EAF2: variants seen among roughly 807,000 people sequenced by gnomAD.
EAF2 encodes ELL associated factor 2.
In EAF2, 29 loss-of-function variants were observed where a neutral mutation model predicts 29.4. The ratio of observed to expected loss-of-function variants is 0.99; its 90% confidence interval spans 0.73 to 1.35. The LOEUF (loss-of-function observed/expected upper bound fraction) is 1.35, where lower values mean the gene tolerates loss of function less well. Ranked by LOEUF, EAF2 falls within the 40% of genes most tolerant of loss-of-function variation. EAF2 has a pLI of 0.00. For missense variants in EAF2, 292 were observed against 312.0 expected (o/e 0.94, Z 0.48); for synonymous variants, 103 against 102.5 (o/e 1.00, Z -0.03).
chr3:121,839,015 A>AT (rs542959860), intron 1 of EAF2, among the ~76,000 whole-genome samples: 1 of 152,028 alleles, frequency 6.6e-6, no homozygotes, highest in Non-Finnish European at 1.5e-5. Flanking sequence ...TCAACCCAAA[A>AT]TTTTTTTTGT....
chr3:121,838,052 G>A (rs1318472), intron 1 of EAF2, among the ~76,000 whole-genome samples: 37,522 of 151,950 alleles, frequency 0.25, 4,967 homozygotes, highest in Non-Finnish European at 0.28. Context: ...TTCAAATCCC[G>A]GAAAATAAAC....
In EAF2 at chr3:121,835,329, G is replaced by T; in HGVS notation, c.44G>T (p.Arg15Leu). 2 of 1,614,216 alleles carry T rather than the reference G, an allele frequency of 1.2e-6. No individual in the cohort carries two copies. Among genetic ancestry groups the T allele is most frequent in the Non-Finnish European group, 1.7e-6 (2 of 1,180,026 alleles). ...AGFSHLDRRERVLKLGESFEK... is the reference protein window; with the variant it reads ...AGFSHLDRRELVLKLGESFEK... ...TTCTCACACCTAGACCGTCGCGAGC[G>T]GGTTCTCAAGTTAGGGGAGAGTTTC... Residue 15 changes from arginine (R) to leucine (L), a missense_variant, in exon 1 of 6, where the codon CGG (arginine) becomes CTG (leucine). By Grantham distance (102) the Arg-to-Leu change is moderately radical. Coordinates refer to ENST00000273668, the MANE Select transcript of EAF2 (RefSeq NM_018456.6).
intron 5 of EAF2, 57 bp from the exon 6 acceptor site, chr3:121,886,285 C>A: frequency 8.4e-7 from 1 of 1,190,152 alleles, no homozygotes; most frequent in Non-Finnish European, 1.1e-6. Flanking sequence ...TTGTGTTATG[C>A]AAAAATAATA....
At chr3:121,840,515 A>G (rs796991524) in intron 1 of EAF2, among the ~76,000 whole-genome samples, 2 of 97,892 alleles carry the variant, frequency 2.0e-5, no homozygotes, top group African/African-American at 4.0e-5. Context: ...AAAAGAAAAA[A>G]AAAAAACGGG....
At chr3:121,858,019 A>G (rs975615420) in intron 4 of EAF2, among the ~76,000 whole-genome samples, 3 of 152,288 alleles carry the variant, frequency 2.0e-5, no homozygotes, top group East Asian at 1.9e-4. Flanking sequence ...TTATGGCTGC[A>G]TAGTATTCCA....
At position 121,880,208 on chromosome 3, in the gene EAF2, T is replaced by C. The variant is rs545755388; in HGVS notation, c.737-6134T>C. On this transcript the variant is annotated intron_variant, in intron 5 of 5. Transcript: ENST00000273668. ...CCCAGGCTGAAAGGTAATGGCATGA[T>C]TACAGCTCACTGCAGCCTTGAACTC... Among the ~76,000 whole-genome samples the C allele has an allele frequency of 5.9e-5, 9 of 152,214 alleles. No homozygotes were observed. The East Asian group carries it at 1.4e-3, about 23-fold the overall frequency.
chr3:121,877,679 A>AT (rs1709123946), intron 5 of EAF2, among the ~76,000 whole-genome samples: 1 of 152,002 alleles, frequency 6.6e-6, no homozygotes, highest in Non-Finnish European at 1.5e-5. Flanking sequence ...TGTTATGAAG[A>AT]TAAAAAATAA....
intron 5 of EAF2, among the ~76,000 whole-genome samples, chr3:121,881,753 C>T (rs1034455598): frequency 1.3e-5 from 2 of 152,042 alleles, no homozygotes; most frequent in African/African-American, 4.8e-5. Flanking sequence ...TCAGGCAATC[C>T]ACCCACCTCA....
intron 2 of EAF2, among the ~76,000 whole-genome samples, chr3:121,846,662 C>T (rs558960243): frequency 6.0e-4 from 92 of 152,156 alleles, no homozygotes; most frequent in African/African-American, 2.1e-3. Context: ...TCTATTGTCT[C>T]AGGCTATACA....
intron 4 of EAF2, among the ~76,000 whole-genome samples, chr3:121,863,109 G>A (rs964329908): frequency 2.0e-5 from 3 of 152,164 alleles, no homozygotes; most frequent in Non-Finnish European, 4.4e-5. Context: ...AGCCCCTACT[G>A]GGAGGTGTCT....
At chr3:121,871,697 C>G (rs562708313) in intron 4 of EAF2, among the ~76,000 whole-genome samples, 60 of 152,050 alleles carry the variant, frequency 3.9e-4, no homozygotes, top group African/African-American at 1.4e-3. Flanking sequence ...AAGATGATAT[C>G]AAATGTCAAT....
At chr3:121,847,344 TAA>T (rs1435819501) in intron 2 of EAF2, among the ~76,000 whole-genome samples, 17 of 152,262 alleles carry the variant, frequency 1.1e-4, no homozygotes, top group Admixed American at 1.1e-3. Context: ...GAAGATGAGT[TAA>T]AGTTACCCAG....
intron 5 of EAF2, among the ~76,000 whole-genome samples, chr3:121,878,175 G>A (rs7620562): frequency 0.89 from 135,497 of 152,080 alleles, 60,421 homozygotes; most frequent in Admixed American, 0.93. Context: ...AATAGAATAG[G>A]CCAATCTTTA....
At chr3:121,853,563 A>T (rs1379632535) in intron 2 of EAF2, among the ~76,000 whole-genome samples, 3 of 152,114 alleles carry the variant, frequency 2.0e-5, no homozygotes, top group Non-Finnish European at 4.4e-5. Context: ...CATCCTCCAC[A>T]AGTAGCTGGT....
At chr3:121,846,323 G>A (rs1708528567) in intron 2 of EAF2, among the ~76,000 whole-genome samples, 1 of 151,946 alleles carries the variant, frequency 6.6e-6, no homozygotes, top group Admixed American at 6.6e-5. Flanking sequence ...ATTTCTATTT[G>A]TTCTCTCTGG....
chr3:121,867,504 C>CT (rs1225611551), intron 4 of EAF2, among the ~76,000 whole-genome samples: 1 of 151,956 alleles, frequency 6.6e-6, no homozygotes, highest in Non-Finnish European at 1.5e-5. Flanking sequence ...ATTTCAAGTG[C>CT]TGAAAGAAAA....
chr3:121,884,711 C>T (rs1436095308), intron 5 of EAF2, among the ~76,000 whole-genome samples: 3 of 95,702 alleles, frequency 3.1e-5, no homozygotes, highest in East Asian at 4.8e-4. Flanking sequence ...AGGCGTGAGC[C>T]ACCGCGTGCC....
chr3:121,840,661 G>A (rs538511276), intron 1 of EAF2, among the ~76,000 whole-genome samples: 1 of 151,792 alleles, frequency 6.6e-6, no homozygotes, highest in East Asian at 1.9e-4. Context: ...AAAAATATTA[G>A]CCGGGAGTGG....
At chr3:121,857,212 G>A (rs1313453487) in intron 4 of EAF2, 56 bp downstream of exon 4, 1 of 1,486,450 alleles carries the variant, frequency 6.7e-7, no homozygotes, top group South Asian at 1.3e-5. Context: ...GAAATGTTAA[G>A]GCCAGGCATG....
Sources: allele counts gnomAD v4.1 joint callset (sites outside exome capture counted in the v4.1 genomes callset), GRCh38; gene constraint gnomAD v4.1.1; transcripts MANE v1.5; gene names NCBI Gene and HGNC (gene_info 2026-07-23, HGNC 2026-07-21).